SCEL: variants seen among roughly 807,000 people sequenced by gnomAD.
SCEL encodes sciellin.
Under a neutral mutation model 117.6 loss-of-function variants are expected in SCEL, and 113 were observed. The observed-to-expected ratio is 0.96, with a 90% CI of 0.83 to 1.12. The LOEUF is 1.12. SCEL is among the 50% of genes most tolerant of loss of function. The probability of loss-of-function intolerance (pLI) is 0.00; values close to 1 mark genes in which losing one functional copy is unlikely to be tolerated. For synonymous variants in SCEL, 270 were observed against 256.2 expected (o/e 1.05, Z -0.51); for missense variants, 785 against 810.8 (o/e 0.97, Z 0.39).
At chr13:77,638,620 G>C (rs562188252) in intron 30 of SCEL, among the ~76,000 whole-genome samples, 6 of 152,308 alleles carry the variant, frequency 3.9e-5, no homozygotes, top group African/African-American at 1.4e-4. Context: ...AGACCAGTCA[G>C]TTATACAACC....
chr13:77,596,574 TAAGTG>T (rs1392746725), intron 12 of SCEL, among the ~76,000 whole-genome samples: 1 of 152,122 alleles, frequency 6.6e-6, no homozygotes, highest in Non-Finnish European at 1.5e-5. Flanking sequence ...CACCAATGAA[TAAGTG>T]ATGAGTCCTG....
intron 27 of SCEL, among the ~76,000 whole-genome samples, chr13:77,620,753 G>A (rs2089364554): frequency 1.3e-5 from 2 of 151,656 alleles, no homozygotes; most frequent in South Asian, 4.2e-4. Flanking sequence ...AGCATCTAGT[G>A]ACACCAAGGC....
At chr13:77,582,103 A>T (rs1311852978) in intron 9 of SCEL, among the ~76,000 whole-genome samples, 3 of 152,132 alleles carry the variant, frequency 2.0e-5, no homozygotes, top group Non-Finnish European at 4.4e-5. Flanking sequence ...TTGTCCTCTC[A>T]TCTCTCTGTC....
chr13:77,626,728 A>AG (rs1224263621), intron 27 of SCEL, among the ~76,000 whole-genome samples: 6 of 152,140 alleles, frequency 3.9e-5, no homozygotes, highest in Admixed American at 3.9e-4. Context: ...GAGCCTCCCC[A>AG]GCCATATGGA....
chr13:77,640,182 A>G (rs1370873141), intron 30 of SCEL, among the ~76,000 whole-genome samples: 1 of 152,082 alleles, frequency 6.6e-6, no homozygotes, highest in Non-Finnish European at 1.5e-5. Context: ...CTACAGTCCC[A>G]GGCACTACAG....
chr13:77,568,234 C>A, intron 6 of SCEL, 61 bp from the exon 7 acceptor site: 1 of 1,055,052 alleles, frequency 9.5e-7, no homozygotes, highest in Admixed American at 1.9e-5. Flanking sequence ...GGAATAATTC[C>A]AAATAGATGC....
At chr13:77,612,205 C>G (rs993246650) in intron 22 of SCEL, among the ~76,000 whole-genome samples, 1 of 152,010 alleles carries the variant, frequency 6.6e-6, no homozygotes, top group Non-Finnish European at 1.5e-5. Flanking sequence ...CTATTCAGGT[C>G]TTTTGGTGTT....
At chr13:77,538,227 C>T (rs1333981424) in intron 1 of SCEL, among the ~76,000 whole-genome samples, 9 of 151,684 alleles carry the variant, frequency 5.9e-5, no homozygotes, top group Non-Finnish European at 1.2e-4. Flanking sequence ...AGCGATTCTC[C>T]TGCCTCAGCT....
intron 12 of SCEL, among the ~76,000 whole-genome samples, chr13:77,595,706 G>A (rs1295809429): frequency 6.6e-6 from 1 of 152,154 alleles, no homozygotes; most frequent in Non-Finnish European, 1.5e-5. Flanking sequence ...ACAGTAATGG[G>A]TTACTGTGTC....
intron 28 of SCEL, 64 bp from the exon 29 acceptor site, chr13:77,634,315 A>G: frequency 7.8e-7 from 1 of 1,279,924 alleles, no homozygotes; most frequent in Non-Finnish European, 1.1e-6. Context: ...ATTAGAAAAT[A>G]GCCTTGTTTT....
intron 15 of SCEL, among the ~76,000 whole-genome samples, chr13:77,601,067 A>C (rs2087639631): frequency 6.6e-6 from 1 of 152,068 alleles, no homozygotes; most frequent in African/African-American, 2.4e-5. Context: ...AACATATTAT[A>C]GACAATTTTT....
At chr13:77,556,753 G>A (rs377254982) in intron 3 of SCEL, 40 bp downstream of exon 3, 1 of 1,321,750 alleles carries the variant, frequency 7.6e-7, no homozygotes, top group Non-Finnish European at 1.1e-6. Flanking sequence ...CAGAAGGGCA[G>A]AGAGAGGCAT....
chr13:77,642,367 A>G (rs1045605730), intron 31 of SCEL, among the ~76,000 whole-genome samples: 14 of 152,126 alleles, frequency 9.2e-5, no homozygotes, highest in Admixed American at 5.9e-4. Context: ...AACCAGCACA[A>G]CTCAAAATAA....
intron 1 of SCEL, among the ~76,000 whole-genome samples, chr13:77,545,999 A>G (rs2083965831): frequency 6.6e-6 from 1 of 152,234 alleles, no homozygotes; most frequent in Non-Finnish European, 1.5e-5. Flanking sequence ...TTTCTCAGTT[A>G]GCTTGATCAA....
intron 8 of SCEL, among the ~76,000 whole-genome samples, chr13:77,570,553 C>T (rs1005466704): frequency 2.0e-5 from 3 of 152,196 alleles, no homozygotes; most frequent in South Asian, 2.1e-4. Context: ...TTGATTGACT[C>T]GTTCCTTGTC....
intron 9 of SCEL, among the ~76,000 whole-genome samples, chr13:77,580,518 A>G (rs1047400716): frequency 1.3e-5 from 2 of 152,200 alleles, no homozygotes; most frequent in African/African-American, 2.4e-5. Context: ...AGAACCTACC[A>G]TTAAATTTTT....
At chr13:77,619,363 GA>G (rs2089281289) in intron 27 of SCEL, among the ~76,000 whole-genome samples, 1 of 152,134 alleles carries the variant, frequency 6.6e-6, no homozygotes, top group South Asian at 2.1e-4. Flanking sequence ...TTTTGTAGAA[GA>G]AGAAACTATA....
intron 21 of SCEL, 86 bp downstream of exon 21, chr13:77,609,203 T>G: frequency 9.5e-7 from 1 of 1,051,184 alleles, no homozygotes; most frequent in South Asian, 1.7e-5. Context: ...TGACTGATGC[T>G]GAACCCAATG....
chr13:77,577,152 G>A (rs2085992188), intron 9 of SCEL, among the ~76,000 whole-genome samples: 1 of 152,054 alleles, frequency 6.6e-6, no homozygotes. Flanking sequence ...TGATTACGCT[G>A]GCCAGAACTT....
Sources: gnomAD v4.1 joint callset for allele counts (sites outside exome capture counted in the v4.1 genomes callset) on GRCh38, gnomAD v4.1.1 for gene constraint, MANE v1.5 for transcripts, NCBI Gene and HGNC (gene_info 2026-07-23, HGNC 2026-07-21) for gene names.